The following UNC80 variants were observed in gnomAD, a reference collection of about 807,000 sequenced individuals.
UNC80 encodes protein unc-80 homolog.
A neutral mutation model predicts 384.6 loss-of-function variants in UNC80; 164 were observed. The ratio of observed to expected loss-of-function variants is 0.43; its 90% CI spans 0.38 to 0.49. The LOEUF (loss-of-function observed/expected upper bound fraction) is 0.49, where lower values mean the gene tolerates loss of function less well. Ranked by LOEUF, UNC80 falls within the 20% of genes least tolerant of loss-of-function variation. UNC80 has a pLI of 0.00. For missense variants in UNC80, 3,330 were observed against 4,143.0 expected (o/e 0.80, Z 5.39); for synonymous variants, 1,486 against 1,527.8 (o/e 0.97, Z 0.64).
rs2089072206 is a variant in UNC80 at position 209,912,576 on chromosome 2, G to A, written c.4799G>A (p.Cys1600Tyr). The A allele has an allele frequency of 6.4e-7, 1 of 1,550,934 alleles. No homozygotes were observed. Among genetic ancestry groups the A allele is most frequent in the African/African-American group, 1.4e-5 (1 of 72,992 alleles). The change falls in exon 30 of 65, where the codon TGC becomes TAC. Residue 1600 changes from cysteine to tyrosine, a missense_variant. Cys to Tyr is a radical substitution (Grantham distance 194, BLOSUM62 -2). Around this residue, in one of 8 missense-constraint regions of UNC80, gnomAD observed 801 missense variants for 950.8 expected, o/e 0.84. Coordinates refer to ENST00000673920, the MANE Select transcript of UNC80 (RefSeq NM_001371986.1). ...TCTTTTCAGTGCTCAGATAAGTCAT[G>A]CCTGAGGACACCTTCTCTAAAGAAG... Reference protein sequence around the residue: ...KKQKECSDKSCLRTPSLKKRV... With the variant: ...KKQKECSDKSYLRTPSLKKRV...
intron 50 of UNC80, 52 bp from the exon 51 acceptor site, chr2:209,959,437 T>C: frequency 6.6e-7 from 1 of 1,506,460 alleles, no homozygotes; most frequent in Non-Finnish European, 9.0e-7. Flanking sequence ...TTCTCACAGC[T>C]GCTACATGAA....
chr2:209,856,421 C>A (rs2082924239), intron 22 of UNC80, among the ~76,000 whole-genome samples: 1 of 152,028 alleles, frequency 6.6e-6, no homozygotes, highest in South Asian at 2.1e-4. Flanking sequence ...TTTTTTCATA[C>A]ATTTTAATGA....
chr2:209,861,774 G>A (rs774176587), intron 22 of UNC80, among the ~76,000 whole-genome samples: 6 of 152,080 alleles, frequency 3.9e-5, no homozygotes, highest in East Asian at 1.9e-4. Flanking sequence ...GGGCATATGC[G>A]TCCAGGAATG....
intron 10 of UNC80, among the ~76,000 whole-genome samples, chr2:209,817,488 A>AAT (rs955692858): frequency 3.3e-5 from 5 of 151,506 alleles, no homozygotes; most frequent in Non-Finnish European, 7.4e-5. Flanking sequence ...AAGGAAAAAA[A>AAT]ATATATATAT....
At chr2:209,877,539 C>A (rs1243859465) in intron 23 of UNC80, among the ~76,000 whole-genome samples, 1 of 152,156 alleles carries the variant, frequency 6.6e-6, no homozygotes, top group Non-Finnish European at 1.5e-5. Context: ...ATGACAGTGA[C>A]ATTCTCATTA....
intron 22 of UNC80, among the ~76,000 whole-genome samples, chr2:209,852,572 G>T (rs763832981): frequency 1.3e-5 from 2 of 152,120 alleles, no homozygotes; most frequent in Middle Eastern, 3.2e-3. Context: ...CTCAGCTATG[G>T]AAAGTGAAGG....
At chr2:209,935,102 T>C (rs761669397) in intron 39 of UNC80, among the ~76,000 whole-genome samples, 1 of 152,236 alleles carries the variant, frequency 6.6e-6, no homozygotes, top group East Asian at 1.9e-4. Context: ...TCCCTGTTTA[T>C]ATTTTCTTAA....
chr2:209,959,186 G>T (rs1412946018), intron 50 of UNC80, 32 bp downstream of exon 50: 2 of 1,550,726 alleles, frequency 1.3e-6, no homozygotes, highest in East Asian at 2.4e-5. Context: ...TTTCATACCA[G>T]TTCTGACATC....
chr2:209,956,487 G>T (rs551222714), intron 48 of UNC80, among the ~76,000 whole-genome samples: 1 of 152,028 alleles, frequency 6.6e-6, no homozygotes, highest in East Asian at 1.9e-4. Context: ...GCACCACTCT[G>T]CATTGAGAAG....
At chr2:209,871,932 G>A (rs1574833342) in intron 22 of UNC80, among the ~76,000 whole-genome samples, 1 of 147,026 alleles carries the variant, frequency 6.8e-6, no homozygotes, top group Non-Finnish European at 1.5e-5. Context: ...TTAAAACCAT[G>A]CCTATTTAAG....
At chr2:209,797,992 C>G (rs1021439578) in intron 7 of UNC80, among the ~76,000 whole-genome samples, 3 of 152,142 alleles carry the variant, frequency 2.0e-5, no homozygotes, top group Non-Finnish European at 2.9e-5. Flanking sequence ...CCTTTGCCCA[C>G]TTTTTGATGG....
At chr2:209,772,946 T>C (rs75640079) in intron 1 of UNC80, 148 bp from the exon 2 acceptor site, 33,726 of 642,138 alleles carry the variant, frequency 0.053, 1,118 homozygotes, top group Middle Eastern at 0.089. Context: ...CATCAGCTGT[T>C]CAACACCTGC....
chr2:209,846,408 T>A (rs989203216), intron 21 of UNC80, among the ~76,000 whole-genome samples: 2 of 152,018 alleles, frequency 1.3e-5, no homozygotes, highest in African/African-American at 4.8e-5. Context: ...ATTAAAACAA[T>A]TTTTTTCAAG....
intron 20 of UNC80, among the ~76,000 whole-genome samples, chr2:209,841,114 ACTC>A: frequency 6.6e-6 from 1 of 151,978 alleles, no homozygotes; most frequent in South Asian, 2.1e-4. Flanking sequence ...TTTTCACTAC[ACTC>A]CTCCTTCGTA....
chr2:209,890,645 C>T (rs115345494), intron 26 of UNC80, among the ~76,000 whole-genome samples: 2 of 152,276 alleles, frequency 1.3e-5, no homozygotes, highest in African/African-American at 2.4e-5. Context: ...ACTATGTGGC[C>T]TTGTCCAAGT....
At chr2:209,888,738 C>T (rs1181813561) in intron 26 of UNC80, among the ~76,000 whole-genome samples, 4 of 152,128 alleles carry the variant, frequency 2.6e-5, no homozygotes, top group Middle Eastern at 3.4e-3. Context: ...GCCTCAGCCT[C>T]CCTAGTAGCT....
At chr2:209,930,827 A>T (rs2090801775) in intron 37 of UNC80, 141 bp from the exon 38 acceptor site, 1 of 596,036 alleles carries the variant, frequency 1.7e-6, no homozygotes, top group African/African-American at 1.9e-5. Flanking sequence ...TACTATATTA[A>T]AATGTTGAAC....
chr2:209,960,530 A>G (rs2092557567), intron 51 of UNC80, among the ~76,000 whole-genome samples: 1 of 152,244 alleles, frequency 6.6e-6, no homozygotes, highest in Admixed American at 6.5e-5. Flanking sequence ...ATTTTAACGT[A>G]TCTATAAAGG....
intron 41 of UNC80, among the ~76,000 whole-genome samples, chr2:209,937,299 A>G (rs2091316987): frequency 6.6e-6 from 1 of 152,212 alleles, no homozygotes; most frequent in African/African-American, 2.4e-5. Context: ...TCTCTTTTCT[A>G]CCATGTTAAA....
Sources: allele counts gnomAD v4.1 joint callset (sites outside exome capture counted in the v4.1 genomes callset), GRCh38; gene constraint gnomAD v4.1.1; regional missense constraint gnomAD v4.1.1; transcripts MANE v1.5; gene names NCBI Gene and HGNC (gene_info 2026-07-23, HGNC 2026-07-21).